The following TNRC6B variants were observed in gnomAD, a reference collection of about 807,000 sequenced individuals.
The protein encoded by TNRC6B is trinucleotide repeat containing adaptor 6B.
TNRC6B carries 52 observed loss-of-function variants against 203.6 expected under a neutral mutation model. The ratio of observed to expected loss-of-function variants is 0.26; its 90% CI spans 0.20 to 0.32. The LOEUF (loss-of-function observed/expected upper bound fraction) is 0.32. Ranked by LOEUF, TNRC6B falls within the 10% of genes least tolerant of loss-of-function variation. The probability of loss-of-function intolerance (pLI) is 1.00; values close to 1 mark genes in which losing one functional copy is unlikely to be tolerated. For synonymous variants in TNRC6B, 838 were observed against 845.7 expected (o/e 0.99, Z 0.16); for missense variants, 1,923 against 2,286.2 (o/e 0.84, Z 3.24).
chr22:40,068,448 G>A (rs9611260), intron 1 of TNRC6B, among the ~76,000 whole-genome samples: 26,310 of 151,980 alleles, frequency 0.17, 2,925 homozygotes, highest in South Asian at 0.25. Context: ...CTCCTGAGTA[G>A]CTGGGACTAC....
Position 40,313,010 on chromosome 22 carries a change from A to G in TNRC6B, c.4678+13A>G. On this transcript the variant is annotated intron_variant, in intron 19 of 22. Coordinates refer to ENST00000454349, the MANE Select transcript of TNRC6B (RefSeq NM_001162501.2). ...CATAGCACTTCAGGTATGAGTGTGA[A>G]TTTTTTGTTTCCCTTTGGTTAGCAC... 6.2e-7 allele frequency: 1 copy of G among 1,607,682 alleles called. No homozygotes were observed. Among genetic ancestry groups the G allele is most frequent in the East Asian group, 2.2e-5 (1 of 44,842 alleles).
Position 40,326,627 on chromosome 22 carries a change from C to G in TNRC6B, c.*3386C>G, listed in dbSNP as rs917882782. On this transcript the variant is annotated 3_prime_UTR_variant, in exon 23 of 23. Coordinates refer to ENST00000454349, the MANE Select transcript of TNRC6B (RefSeq NM_001162501.2). ...TTTAAAGGAACCCTTCTCCTTGTCC[C>G]CACAACCCCAGCAACAAAAGAAAGG... is the stretch of plus-strand genomic sequence containing the variant. 4.6e-5 allele frequency: 7 copies of G among 152,364 alleles called. No homozygotes were observed. The highest frequency in any genetic ancestry group is 1.7e-4 in the African/African-American group (7 of 41,426). The allele number at this position is 152,364 out of a possible 1,614,324, so 9.4% of individuals were successfully genotyped here.
chr22:40,191,480 G>C (rs1299939828), intron 1 of TNRC6B, among the ~76,000 whole-genome samples: 1 of 152,230 alleles, frequency 6.6e-6, no homozygotes, highest in Non-Finnish European at 1.5e-5. Context: ...GTGGGAAATG[G>C]TGAGATATTA....
intron 1 of TNRC6B, among the ~76,000 whole-genome samples, chr22:40,244,445 G>A (rs2070075721): frequency 6.6e-6 from 1 of 151,856 alleles, no homozygotes; most frequent in Non-Finnish European, 1.5e-5. Context: ...ACAACATGTA[G>A]GTAAAAAAGT....
intron 21 of TNRC6B, 51 bp from the exon 22 acceptor site, chr22:40,321,039 C>T (rs969227405): frequency 5.6e-6 from 9 of 1,603,796 alleles, no homozygotes; most frequent in Non-Finnish European, 6.8e-6. Context: ...TAAAATGTAC[C>T]TTTTCCACCC....
intron 8 of TNRC6B, among the ~76,000 whole-genome samples, chr22:40,277,680 G>T (rs1323369414): frequency 6.6e-6 from 1 of 152,204 alleles, no homozygotes; most frequent in African/African-American, 2.4e-5. Context: ...TTATTTGGCG[G>T]TCACTCATGG....
chr22:40,147,339 G>A (rs999506219), intron 3 of TNRC6B, among the ~76,000 whole-genome samples: 2 of 152,182 alleles, frequency 1.3e-5, no homozygotes, highest in African/African-American at 4.8e-5. Context: ...CAGAGTTTCA[G>A]ATGGAAAAGA....
intron 7 of TNRC6B, among the ~76,000 whole-genome samples, chr22:40,276,300 T>C (rs1195895328): frequency 1.3e-5 from 2 of 149,150 alleles, no homozygotes; most frequent in Non-Finnish European, 3.0e-5. Context: ...TGAGTTGGGA[T>C]GGCACCACTG....
intron 1 of TNRC6B, among the ~76,000 whole-genome samples, chr22:40,193,050 G>A (rs1042179849): frequency 9.2e-5 from 14 of 152,268 alleles, no homozygotes; most frequent in Middle Eastern, 3.4e-3. Context: ...TTTTAGGGCC[G>A]GCGCCCCAGC....
chr22:40,310,779 A>G, intron 16 of TNRC6B, 38 bp from the exon 17 acceptor site: 2 of 1,577,354 alleles, frequency 1.3e-6, no homozygotes, highest in Non-Finnish European at 1.7e-6. Context: ...TATTCATAGG[A>G]GTTATTCTGG....
intron 21 of TNRC6B, among the ~76,000 whole-genome samples, chr22:40,316,982 G>A (rs1354790432): frequency 2.0e-5 from 3 of 152,136 alleles, no homozygotes; most frequent in Non-Finnish European, 2.9e-5. Flanking sequence ...GACACGATTT[G>A]CTATACAAAT....
intron 1 of TNRC6B, among the ~76,000 whole-genome samples, chr22:40,075,522 A>T (rs2068005577): frequency 6.6e-6 from 1 of 151,500 alleles, no homozygotes; most frequent in Non-Finnish European, 1.5e-5. Flanking sequence ...TTATTTTTTT[A>T]ATGAATTTAT....
chr22:40,178,261 C>T, intron 1 of TNRC6B, 121 bp downstream of exon 1: 4 of 1,183,230 alleles, frequency 3.4e-6, no homozygotes, highest in East Asian at 4.7e-5. Context: ...TCAGACATTT[C>T]GTGGATCTGT....
chr22:40,166,431 CTT>C (rs200906353), intron 4 of TNRC6B, among the ~76,000 whole-genome samples: 10 of 141,164 alleles, frequency 7.1e-5, no homozygotes, highest in East Asian at 2.0e-4. Context: ...ATGCTATACT[CTT>C]TTTTTTTTTT....
At chr22:40,261,593 C>CAAAA (rs1298651655) in intron 3 of TNRC6B, among the ~76,000 whole-genome samples, 10 of 151,332 alleles carry the variant, frequency 6.6e-5, no homozygotes, top group African/African-American at 9.7e-5. Flanking sequence ...GACTCCGTCT[C>CAAAA]AAAAATAAAT....
At chr22:40,101,504 C>T (rs2068241223) in intron 1 of TNRC6B, among the ~76,000 whole-genome samples, 1 of 152,100 alleles carries the variant, frequency 6.6e-6, no homozygotes, top group Non-Finnish European at 1.5e-5. Flanking sequence ...AGACTGAGTC[C>T]TCTTCACTCC....
intron 19 of TNRC6B, among the ~76,000 whole-genome samples, chr22:40,314,421 T>A (rs1479610217): frequency 1.3e-5 from 2 of 152,206 alleles, no homozygotes; most frequent in Non-Finnish European, 2.9e-5. Context: ...CCATGCTGAA[T>A]CAGTTGCAAA....
intron 22 of TNRC6B, among the ~76,000 whole-genome samples, chr22:40,322,282 G>A (rs890488811): frequency 1.3e-5 from 2 of 152,192 alleles, no homozygotes; most frequent in African/African-American, 4.8e-5. Context: ...ATCTCCTGCT[G>A]CCACACATGA....
Position 40,251,218 on chromosome 22 carries a change from T to C in TNRC6B, c.115+18T>C, listed in dbSNP as rs546861873. The C allele has an allele frequency of 5.9e-6, 9 of 1,521,088 alleles. No homozygotes were observed. The highest frequency in any genetic ancestry group is 4.1e-5 in the Admixed American group (2 of 49,162). 94.2% of individuals were successfully genotyped at this position (1,521,088 alleles called of 1,614,324 possible). Reference sequence around the variant, plus strand: ...AACCAAAGGTAAGATCTTTTTTTTCTTTTTAAATTATTTAGAACCTTTTGT... The same window carrying C: ...AACCAAAGGTAAGATCTTTTTTTTCCTTTTAAATTATTTAGAACCTTTTGT... On this transcript the variant is annotated intron_variant, in intron 3 of 22. Transcript: ENST00000454349.
Sources: allele counts gnomAD v4.1 joint callset (sites outside exome capture counted in the v4.1 genomes callset), GRCh38; gene constraint gnomAD v4.1.1; transcripts MANE v1.5; gene names NCBI Gene and HGNC (gene_info 2026-07-23, HGNC 2026-07-21).